The following SAP130 variants were observed in gnomAD, a reference collection of about 807,000 sequenced individuals.
The protein encoded by SAP130 is histone deacetylase complex subunit SAP130.
A neutral mutation model predicts 103.2 loss-of-function variants in SAP130; 16 were observed. The ratio of observed to expected loss-of-function variants is 0.16; its 90% CI spans 0.10 to 0.24. The LOEUF is 0.24. SAP130 is among the 10% of genes least tolerant of loss of function. The probability of loss-of-function intolerance (pLI) is 1.00; values close to 1 mark genes in which losing one functional copy is unlikely to be tolerated. For synonymous variants in SAP130, 477 were observed against 497.0 expected, an observed-to-expected ratio of 0.96 and a Z score of 0.53; for missense variants, 990 against 1,359.7, an observed-to-expected ratio of 0.73 and a Z score of 4.28.
intron 14 of SAP130, among the ~76,000 whole-genome samples, chr2:127,979,753 T>A (rs998141088): frequency 6.6e-6 from 1 of 152,150 alleles, no homozygotes; most frequent in Non-Finnish European, 1.5e-5. Context: ...TATCTAGGAT[T>A]TGCTTCAAAA....
chr2:128,020,788 C>G (rs1310344031), intron 2 of SAP130, among the ~76,000 whole-genome samples: 2 of 151,442 alleles, frequency 1.3e-5, no homozygotes, highest in African/African-American at 4.9e-5. Context: ...CACCTGAGGT[C>G]AGGAGTTCAA....
chr2:127,998,141 C>T (rs1160998831), intron 10 of SAP130, among the ~76,000 whole-genome samples: 2 of 151,652 alleles, frequency 1.3e-5, no homozygotes, highest in Non-Finnish European at 2.9e-5. Flanking sequence ...CATACATTCT[C>T]AATAGTTAAA....
In SAP130 at chr2:127,989,033, A is replaced by G. The variant is rs531600293; in HGVS notation, c.1780+531T>C. On this transcript the variant is annotated intron_variant, in intron 13 of 20. Coordinates refer to ENST00000643581, the MANE Select transcript of SAP130 (RefSeq NM_001330301.2). The surrounding 1 kb of genome is among the most constrained non-coding windows in gnomAD (Gnocchi z 4.6). ...AGGTGAATTTTTTCCCACAACTAGG[A>G]GCTTTTAAAAAAGATAACACTTCTC... Among the ~76,000 whole-genome samples, 4 of 152,026 alleles carry G rather than the reference A, an allele frequency of 2.6e-5. No individual in the cohort carries two copies. In the East Asian group the frequency reaches 7.7e-4, roughly 29 times the overall value.
chr2:127,951,779 C>T (rs1573632549), intron 16 of SAP130, among the ~76,000 whole-genome samples: 2 of 152,190 alleles, frequency 1.3e-5, no homozygotes, highest in Non-Finnish European at 2.9e-5. Context: ...ACTTGGACAA[C>T]CCTATCTGTT....
In SAP130 at chr2:127,963,716, G is replaced by T. The variant is rs114708756; in HGVS notation, c.2064-8372C>A. ...GGCGGGTCTTTCTTGTGCTGTTCTC[G>T]TGATAGTAACTAAGTCTCATGAGAT... is the stretch of plus-strand genomic sequence containing the variant. On this transcript the variant is annotated intron_variant, in intron 15 of 20. Transcript: ENST00000643581. Among the ~76,000 whole-genome samples the T allele has an allele frequency of 7.4e-3, 1,131 of 152,226 alleles. 12 individuals carry two copies. Among genetic ancestry groups the T allele is most frequent in the African/African-American group, 0.023 (961 of 41,546 alleles).
At chr2:128,003,817 T>G (rs1370123932) in intron 7 of SAP130, among the ~76,000 whole-genome samples, 1 of 152,098 alleles carries the variant, frequency 6.6e-6, no homozygotes, top group Non-Finnish European at 1.5e-5. Flanking sequence ...ACTTACAGAC[T>G]CAGCATCCCC....
Position 127,942,211 on chromosome 2 carries a change from T to A in SAP130, c.3016-47A>T, listed in dbSNP as rs748430537. ...CATCAATCAGTGACCATGAGGATAG[T>A]ACAGCTTTTAAAAAACTGCTTGCCT... On this transcript the variant is annotated intron_variant, in intron 20 of 20. Coordinates refer to ENST00000643581, the MANE Select transcript of SAP130 (RefSeq NM_001330301.2). The surrounding 1 kb of genome is among the most constrained non-coding windows in gnomAD (Gnocchi z 4.8). 6.5e-7 allele frequency: 1 copy of A among 1,529,108 alleles called. No homozygotes were observed. The highest frequency in any genetic ancestry group is 8.8e-7 in the Non-Finnish European group (1 of 1,134,704). The allele number at this position is 1,529,108 out of a possible 1,614,324, so 94.7% of individuals were successfully genotyped here.
intron 15 of SAP130, among the ~76,000 whole-genome samples, chr2:127,973,184 T>C (rs1259780006): frequency 6.6e-6 from 1 of 152,208 alleles, no homozygotes; most frequent in South Asian, 2.1e-4. Flanking sequence ...CCCAAATCTC[T>C]ATCACCAGCA....
chr2:127,959,634 C>G (rs1474649015), intron 15 of SAP130, among the ~76,000 whole-genome samples: 1 of 152,140 alleles, frequency 6.6e-6, no homozygotes, highest in Non-Finnish European at 1.5e-5. Context: ...TAACTTAACA[C>G]TTAAAATGTC....
chr2:127,956,153 ACT>A (rs1679825040), intron 15 of SAP130, among the ~76,000 whole-genome samples: 1 of 152,010 alleles, frequency 6.6e-6, no homozygotes, highest in Non-Finnish European at 1.5e-5. Flanking sequence ...TTCCATAAAA[ACT>A]CTAAAAGACT....
In SAP130 at chr2:127,996,256, A is replaced by G; in HGVS notation, c.1355+94T>C. ...AAATCTGAAAACATGAGTAATAAAT[A>G]TAGGCCATATTTGTGGGACACTTTG... On this transcript the variant is annotated intron_variant, in intron 11 of 20. Transcript: ENST00000643581. The surrounding 1 kb of genome is among the most constrained non-coding windows in gnomAD (Gnocchi z 4.3). The G allele has an allele frequency of 8.6e-7, 1 of 1,156,684 alleles. No individual in the cohort carries two copies. The highest frequency in any genetic ancestry group is 2.8e-5 in the South Asian group (1 of 36,322). 71.7% of individuals were successfully genotyped at this position (1,156,684 alleles called of 1,614,324 possible).
intron 15 of SAP130, among the ~76,000 whole-genome samples, chr2:127,967,108 C>T (rs1274727024): frequency 6.6e-6 from 1 of 152,106 alleles, no homozygotes; most frequent in Non-Finnish European, 1.5e-5. Flanking sequence ...GATCAAAGAA[C>T]TTGGAGAAAT....
intron 18 of SAP130, among the ~76,000 whole-genome samples, chr2:127,946,851 T>G (rs1008665031): frequency 6.7e-6 from 1 of 150,256 alleles, no homozygotes; most frequent in African/African-American, 2.5e-5. Context: ...ACCATTGTAC[T>G]GCAGCCTGGG....
At chr2:127,957,934 A>G (rs1170167307) in intron 15 of SAP130, among the ~76,000 whole-genome samples, 1 of 152,208 alleles carries the variant, frequency 6.6e-6, no homozygotes, top group Non-Finnish European at 1.5e-5. Context: ...TGAGTAGCAG[A>G]AAACAAATCA....
At position 127,996,339 on chromosome 2, in the gene SAP130, C is replaced by G. The variant is rs199983644; in HGVS notation, c.1355+11G>C. Reference sequence around the variant, plus strand: ...ACAGTGAGGCAGAATAACTGACACACAGCCTCCTACCTGTTGTCACTTCGG... The same window carrying G: ...ACAGTGAGGCAGAATAACTGACACAGAGCCTCCTACCTGTTGTCACTTCGG... On this transcript the variant is annotated intron_variant, in intron 11 of 20. Coordinates refer to ENST00000643581, the MANE Select transcript of SAP130 (RefSeq NM_001330301.2). This position sits in a 1 kb window ranked among gnomAD's most constrained non-coding sequence, Gnocchi z 4.3. 7 of 1,582,744 alleles carry G rather than the reference C, an allele frequency of 4.4e-6. No homozygotes were observed. In the East Asian group the frequency reaches 1.6e-4, roughly 36 times the overall value.
rs75038334 is a variant in SAP130, at chr2:127,996,003, T to G, written c.1355+347A>C. ...AGAGCTCGGAATCCTTTCAGATAGC[T>G]GTACCGCGGTGACATCAAAGAATGT... On this transcript the variant is annotated intron_variant, in intron 11 of 20. Transcript: ENST00000643581. This position sits in a 1 kb window ranked among gnomAD's most constrained non-coding sequence, Gnocchi z 4.3. Among the ~76,000 whole-genome samples the G allele has an allele frequency of 0.025, 3,795 of 152,276 alleles. 104 individuals carry two copies. The highest frequency in any genetic ancestry group is 0.061 in the East Asian group (317 of 5,184).
In SAP130 at chr2:127,953,286, A is replaced by C. The variant is rs957484715; in HGVS notation, c.2422+1700T>G. On this transcript the variant is annotated intron_variant, in intron 16 of 20. Coordinates refer to ENST00000643581, the MANE Select transcript of SAP130 (RefSeq NM_001330301.2). This position sits in a 1 kb window ranked among gnomAD's most constrained non-coding sequence, Gnocchi z 4.0. ...ACTCTTAGCTCTACCTTAAAAACAT[A>C]AACAGAATCCTACCACCTCACACCA... is the stretch of plus-strand genomic sequence containing the variant. 1.3e-5 allele frequency among the ~76,000 whole-genome samples: 2 copies of C among 152,194 alleles called. No homozygotes were observed. The highest frequency in any genetic ancestry group is 4.8e-5 in the African/African-American group (2 of 41,452).
In SAP130 at chr2:127,955,119, G is replaced by A; in HGVS notation, c.2289C>T (p.Ile763=). 1.2e-6 allele frequency: 2 copies of A among 1,614,228 alleles called. No individual in the cohort carries two copies. Among genetic ancestry groups the A allele is most frequent in the Non-Finnish European group, 1.7e-6 (2 of 1,180,036 alleles). Reference sequence around the variant, plus strand: ...GAGGTGGTGCAGCTGCAATGGTGGTGATGGGTGGAGTGATGGGGACCGCTC... The same window carrying A: ...GAGGTGGTGCAGCTGCAATGGTGGTAATGGGTGGAGTGATGGGGACCGCTC... ...IPGAVPITPP[I]TTIAAAPPPS... The change falls in exon 16 of 21, where the codon ATC becomes ATT. Residue 763 remains isoleucine (I), a synonymous_variant. Transcript: ENST00000643581. The surrounding 1 kb of genome is among the most constrained non-coding windows in gnomAD (Gnocchi z 4.9).
At position 128,000,079 on chromosome 2, in the gene SAP130, G is replaced by T. The variant is rs1312938849; in HGVS notation, c.1085C>A (p.Thr362Asn). ...ACCAGCTGTGGTCGCTGAAGGAATG[G>T]TGTTGGTTGCCAAAATAGGTGCTAC... ...ATVAPILATN[T>N]IPSATTAGSV... The change falls in exon 9 of 21, where the codon ACC becomes AAC. Residue 362 changes from threonine to asparagine, a missense_variant. Thr to Asn is a moderately conservative substitution (Grantham distance 65). Around this residue, in one of 6 missense-constraint regions of SAP130, gnomAD observed 336 missense variants for 520.1 expected, o/e 0.65. Transcript: ENST00000643581. 3.7e-6 allele frequency: 6 copies of T among 1,614,038 alleles called. No homozygotes were observed. Among genetic ancestry groups the T allele is most frequent in the Middle Eastern group, 1.6e-4 (1 of 6,084 alleles).
Sources: gnomAD v4.1 joint callset for allele counts (sites outside exome capture counted in the v4.1 genomes callset) on GRCh38, gnomAD v4.1.1 for gene constraint, gnomAD v4.1.1 regional missense constraint, Gnocchi (gnomAD v3.1) non-coding constraint, MANE v1.5 for transcripts, NCBI Gene and HGNC (gene_info 2026-07-23, HGNC 2026-07-21) for gene names.